TESK2: variants seen among roughly 807,000 people sequenced by gnomAD.
TESK2 encodes the protein dual specificity testis-specific protein kinase 2.
A neutral mutation model predicts 57.1 loss-of-function variants in TESK2; 39 were observed. The ratio of observed to expected loss-of-function variants is 0.68; its 90% confidence interval spans 0.53 to 0.89. TESK2 has a LOEUF of 0.89. Ranked by LOEUF, TESK2 falls within the 40% of genes least tolerant of loss-of-function variation. The probability of loss-of-function intolerance (pLI) is 0.00; values close to 1 mark genes in which losing one functional copy is unlikely to be tolerated. For missense variants in TESK2, 646 were observed against 732.1 expected (o/e 0.88, Z 1.36); for synonymous variants, 249 against 267.9 (o/e 0.93, Z 0.69).
chr1:45,448,734 A>G (rs1377150616), intron 2 of TESK2, among the ~76,000 whole-genome samples: 1 of 152,186 alleles, frequency 6.6e-6, no homozygotes. Flanking sequence ...CACCTTCAAC[A>G]TTGGGAATCA....
chr1:45,427,831 A>G (rs1345145291), intron 2 of TESK2, among the ~76,000 whole-genome samples: 1 of 152,148 alleles, frequency 6.6e-6, no homozygotes, highest in African/African-American at 2.4e-5. Context: ...GATAGAATGA[A>G]GAAGATTTAG....
chr1:45,444,360 C>T (rs747229603), intron 2 of TESK2, among the ~76,000 whole-genome samples: 5 of 152,116 alleles, frequency 3.3e-5, no homozygotes, highest in Non-Finnish European at 7.4e-5. Context: ...CCCCCTTTCC[C>T]ATTGATAATG....
At chr1:45,452,048 T>A (rs1044965592) in intron 2 of TESK2, among the ~76,000 whole-genome samples, 81 of 100,980 alleles carry the variant, frequency 8.0e-4, no homozygotes, top group Middle Eastern at 5.7e-3. Flanking sequence ...AAAAAAAAAA[T>A]TTATTTGGTA....
chr1:45,427,170 G>A (rs1650730178), intron 2 of TESK2, among the ~76,000 whole-genome samples: 2 of 150,088 alleles, frequency 1.3e-5, no homozygotes, highest in Non-Finnish European at 2.9e-5. Flanking sequence ...TTGAACCTGG[G>A]AGGCAGAGGT....
chr1:45,372,698 C>T (rs901316047), intron 4 of TESK2, among the ~76,000 whole-genome samples: 1 of 151,288 alleles, frequency 6.6e-6, no homozygotes, highest in Admixed American at 6.6e-5. Flanking sequence ...GCACTATGAA[C>T]TCTAGTCTGG....
chr1:45,385,848 C>T (rs1648871499), intron 4 of TESK2, 64 bp downstream of exon 4: 2 of 1,238,468 alleles, frequency 1.6e-6, no homozygotes, highest in South Asian at 2.6e-5. Flanking sequence ...GCAACACTTA[C>T]TATGGAACTA....
At chr1:45,348,355 T>TCAGG (rs531489952) in intron 5 of TESK2, among the ~76,000 whole-genome samples, 12 of 152,336 alleles carry the variant, frequency 7.9e-5, no homozygotes, top group Admixed American at 3.3e-4. Flanking sequence ...CAACAGACTA[T>TCAGG]CAGGCCCCTG....
In TESK2 at chr1:45,344,141, C is replaced by T. The variant is rs1647103019; in HGVS notation, c.*699G>A. 6.2e-6 allele frequency: 1 copy of T among 162,208 alleles called. No individual in the cohort carries two copies. The highest frequency in any genetic ancestry group is 5.8e-5 in the Admixed American group (1 of 17,338). The allele number at this position is 162,208 out of a possible 1,614,324, so 10.0% of individuals were successfully genotyped here. On this transcript the variant is annotated 3_prime_UTR_variant, in exon 11 of 11. Coordinates refer to ENST00000372086, the MANE Select transcript of TESK2 (RefSeq NM_007170.3). ...AATACATAGAAGCAGGCCCTAGGGC[C>T]TACAAAACCAGCCCCACTCCCAACC...
At chr1:45,369,961 T>C (rs1484902994) in intron 4 of TESK2, among the ~76,000 whole-genome samples, 2 of 152,184 alleles carry the variant, frequency 1.3e-5, no homozygotes, top group African/African-American at 2.4e-5. Context: ...TCCACCCACC[T>C]TGACCTCCCA....
chr1:45,421,646 T>C, intron 3 of TESK2, 79 bp downstream of exon 3: 2 of 1,571,004 alleles, frequency 1.3e-6, no homozygotes, highest in South Asian at 2.3e-5. Context: ...ATCCCTCCTT[T>C]TTTTCCTATT....
chr1:45,401,430 A>T (rs1214581129), intron 3 of TESK2, among the ~76,000 whole-genome samples: 1 of 151,644 alleles, frequency 6.6e-6, no homozygotes, highest in Non-Finnish European at 1.5e-5. Context: ...AATAAATAAT[A>T]AAAATTAAAA....
chr1:45,348,883 G>T (rs1019694711), intron 5 of TESK2, among the ~76,000 whole-genome samples: 2 of 152,056 alleles, frequency 1.3e-5, no homozygotes, highest in African/African-American at 4.8e-5. Flanking sequence ...TTCAATTCAT[G>T]AGACAGGCTG....
chr1:45,346,592 G>A (rs1288597948), intron 9 of TESK2, 101 bp downstream of exon 9: 7 of 940,618 alleles, frequency 7.4e-6, no homozygotes, highest in African/African-American at 6.5e-5. Context: ...TGAAAATGAG[G>A]TCCCTCATGA....
chr1:45,437,748 T>A (rs1651290426), intron 2 of TESK2, among the ~76,000 whole-genome samples: 1 of 152,204 alleles, frequency 6.6e-6, no homozygotes, highest in Non-Finnish European at 1.5e-5. Flanking sequence ...AGAGTTTTTA[T>A]CATAAAGGGA....
intron 2 of TESK2, among the ~76,000 whole-genome samples, chr1:45,422,759 T>TGTTGTTGTTGTTGTTGTTGTTGTTG (rs1553152259): frequency 1.4e-5 from 2 of 146,890 alleles, no homozygotes; most frequent in African/African-American, 5.0e-5. Context: ...TGTCTGGTTT[T>TGTTGTTGTTGTTGTTGTTGTTGTTG]TTGTTGTTGT....
intron 2 of TESK2, among the ~76,000 whole-genome samples, chr1:45,447,095 T>C (rs1353975170): frequency 6.6e-6 from 1 of 152,100 alleles, no homozygotes; most frequent in Middle Eastern, 3.2e-3. Context: ...AATATGCTAG[T>C]AGTCCCAGAT....
At position 45,421,836 on chromosome 1, in the gene TESK2, C is replaced by G; in HGVS notation, c.233G>C (p.Arg78Pro). 2 of 1,613,962 alleles carry G rather than the reference C, an allele frequency of 1.2e-6. No individual in the cohort carries two copies. Among genetic ancestry groups the G allele is most frequent in the Non-Finnish European group, 8.5e-7 (1 of 1,179,976 alleles). Residue 78 changes from arginine (R) to proline (P), a missense_variant, in exon 3 of 11, where the codon CGA (arginine) becomes CCA (proline). By Grantham distance (103) the Arg-to-Pro change is moderately radical. Transcript: ENST00000372086. The stretch of plus-strand genomic sequence containing the variant: ...AAGAGCCATCACCTGACCAGAAGCT[C>G]GGTGTCGTACCTAGAATATTAAATA... ...FFSEVFKVRH[R>P]ASGQVMALKM...
chr1:45,388,832 T>C (rs1025127523), intron 3 of TESK2, among the ~76,000 whole-genome samples: 4 of 147,588 alleles, frequency 2.7e-5, no homozygotes, highest in African/African-American at 7.4e-5. Flanking sequence ...GCCATTCTCC[T>C]GCCTCAGCCT....
intron 1 of TESK2, among the ~76,000 whole-genome samples, chr1:45,459,362 C>A (rs896597826): frequency 1.3e-5 from 2 of 152,056 alleles, no homozygotes; most frequent in African/African-American, 4.8e-5. Flanking sequence ...ATTCTTAAGG[C>A]CTAACTGCAT....
Sources: allele counts gnomAD v4.1 joint callset (sites outside exome capture counted in the v4.1 genomes callset), GRCh38; gene constraint gnomAD v4.1.1; transcripts MANE v1.5; gene names NCBI Gene and HGNC (gene_info 2026-07-23, HGNC 2026-07-21).